The following PREB variants were observed in gnomAD, a reference collection of about 807,000 sequenced individuals.
The protein encoded by PREB is guanine nucleotide-exchange factor SEC12.
Under a neutral mutation model 46.7 loss-of-function variants are expected in PREB, and 29 were observed. That is an observed-to-expected ratio of 0.62 (90% CI 0.46 to 0.85). The LOEUF (loss-of-function observed/expected upper bound fraction) is 0.85, where lower values mean the gene tolerates loss of function less well. Among genes scored for constraint, PREB ranks in the 40% least tolerant of loss-of-function variants. The pLI is 0.00. For missense variants in PREB, 494 were observed against 528.4 expected (o/e 0.93, Z 0.64); for synonymous variants, 224 against 220.1 (o/e 1.02, Z -0.16).
rs774282726 is a variant in PREB, at chr2:27,132,425, A to C, written c.753-22T>G. ...AAACCTGGGGGCCGGATGAGGGGCT[A>C]TTCAGCTCCTAGGGCCTGCCCAACC... On this transcript the variant is annotated intron_variant, in intron 5 of 8. Coordinates refer to ENST00000260643, the MANE Select transcript of PREB (RefSeq NM_013388.6). The surrounding 1 kb of genome is among the most constrained non-coding windows in gnomAD (Gnocchi z 4.0). The C allele has an allele frequency of 6.2e-7, 1 of 1,605,366 alleles. No individual in the cohort carries two copies. Among genetic ancestry groups the C allele is most frequent in the South Asian group, 1.1e-5 (1 of 90,528 alleles).
chr2:27,131,974 T>C lies in PREB; in HGVS notation c.999+36A>G, dbSNP rs753666308. 6 of 1,603,672 alleles carry C rather than the reference T, an allele frequency of 3.7e-6. No homozygotes were observed. The African/African-American group carries it at 8.0e-5, about 21-fold the overall frequency. On this transcript the variant is annotated intron_variant, in intron 7 of 8. Transcript: ENST00000260643. The stretch of plus-strand genomic sequence containing the variant: ...ACTCAGGGTAGAGACAGGCCTACAG[T>C]CCACCCACAGGGCCATGCCAACCTC...
In PREB at chr2:27,132,327, G is replaced by C. The variant is rs1330532859; in HGVS notation, c.829C>G (p.Pro277Ala). 1 of 1,614,120 alleles carries C rather than the reference G, an allele frequency of 6.2e-7. No homozygotes were observed. Among genetic ancestry groups the C allele is most frequent in the Non-Finnish European group, 8.5e-7 (1 of 1,180,004 alleles). The change falls in exon 6 of 9, where the codon CCC becomes GCC. Residue 277 changes from proline (P) to alanine (A), a missense_variant. Transcript: ENST00000260643. The surrounding 1 kb of genome is among the most constrained non-coding windows in gnomAD (Gnocchi z 4.0). The stretch of plus-strand genomic sequence containing the variant: ...CAGGCTGTGAGGTAGCAGGGAGGGG[G>C]CTGGCGCAGGCGCTTGTGGGGAATT... Reference protein sequence around the residue: ...VQIPHKRLRQPPPCYLTAWDG... With the variant: ...VQIPHKRLRQAPPCYLTAWDG...
Position 27,133,663 on chromosome 2 carries a change from T to C in PREB, c.194A>G (p.His65Arg). The change falls in exon 2 of 9, where the codon CAT becomes CGT. Residue 65 changes from histidine (H) to arginine (R), a missense_variant. Transcript: ENST00000260643. ...CATGGTGGCCCGTGTCTCTGTGTCA[T>C]GGGAGTGCAGCAAGGAGGCACTCAA... is the stretch of plus-strand genomic sequence containing the variant. ...GRLSASLLHS[H>R]DTETRATMNL... The C allele has an allele frequency of 3.1e-6, 5 of 1,614,204 alleles. No homozygotes were observed. Among genetic ancestry groups the C allele is most frequent in the Non-Finnish European group, 3.4e-6 (4 of 1,180,040 alleles).
Position 27,131,737 on chromosome 2 carries a change from T to A in PREB, c.1094A>T (p.His365Leu), listed in dbSNP as rs1341639650. The A allele has an allele frequency of 1.9e-6, 3 of 1,613,994 alleles. No homozygotes were observed. Among genetic ancestry groups the A allele is most frequent in the Admixed American group, 3.3e-5 (2 of 60,006 alleles). The change falls in exon 8 of 9, where the codon CAT becomes CTT. Residue 365 changes from histidine to leucine, a missense_variant. Physicochemically the swap from His to Leu is moderately conservative, Grantham distance 99. Coordinates refer to ENST00000260643, the MANE Select transcript of PREB (RefSeq NM_013388.6). Reference protein sequence around the residue: ...KGRGPELLGSHETALFSVAVD... With the variant: ...KGRGPELLGSLETALFSVAVD... ...AGCCACAGAGAACAGGGCAGTTTCA[T>A]GGGACCCAAGGAGCTCTGGACCACG...
Position 27,130,874 on chromosome 2 carries a change from A to G in PREB, c.*540T>C. On this transcript the variant is annotated 3_prime_UTR_variant, in exon 9 of 9. Transcript: ENST00000260643. Reference sequence around the variant, plus strand: ...GGTAGACTACCTAGGAACTTATTGCATCTTTAGGCCAGCTGGCTTAGTGCT... The same window carrying G: ...GGTAGACTACCTAGGAACTTATTGCGTCTTTAGGCCAGCTGGCTTAGTGCT... The G allele has an allele frequency of 2.7e-6, 3 of 1,094,192 alleles. No individual in the cohort carries two copies. Among genetic ancestry groups the G allele is most frequent in the Non-Finnish European group, 3.9e-6 (3 of 766,274 alleles). The allele number at this position is 1,094,192 out of a possible 1,614,324, so 67.8% of individuals were successfully genotyped here.
intron 2 of PREB, 55 bp from the exon 3 acceptor site, chr2:27,133,392 C>A: frequency 1.2e-6 from 2 of 1,604,094 alleles, no homozygotes; most frequent in African/African-American, 2.7e-5. Context: ...GAGTACTGGC[C>A]CCTCTCTCCA....
At position 27,131,489 on chromosome 2, in the gene PREB, G is replaced by A. The variant is rs139550973; in HGVS notation, c.1179C>T (p.Leu393=). The A allele has an allele frequency of 9.1e-5, 145 of 1,585,942 alleles. No homozygotes were observed. The East Asian group carries it at 2.5e-3, about 27-fold the overall frequency. Residue 393 remains leucine, a synonymous_variant, in exon 9 of 9, where the codon CTC becomes CTT. Coordinates refer to ENST00000260643, the MANE Select transcript of PREB (RefSeq NM_013388.6). The part of the protein sequence containing the change: ...LPSRRSVPVW[L]LLLLCVGLII... ...TAAGCCCGACACACAGCAGGAGCAG[G>A]AGCCACACAGGAACACTCCCTGCAG...
At position 27,131,420 on chromosome 2, in the gene PREB, G is replaced by A; in HGVS notation, c.1248C>T (p.Phe416=). The part of the protein sequence containing the change: ...ILLLQSAFPG[F]L ...TTCCCAGGAAGCAGGGAAGCTAAAGGAAACCTGGAAAGGCACTCTGGAGCA... is the reference window on the plus strand; with the variant it reads ...TTCCCAGGAAGCAGGGAAGCTAAAGAAAACCTGGAAAGGCACTCTGGAGCA... The change falls in exon 9 of 9, where the codon TTC becomes TTT. Residue 416 remains phenylalanine, a synonymous_variant. Coordinates refer to ENST00000260643, the MANE Select transcript of PREB (RefSeq NM_013388.6). 1.3e-6 allele frequency: 2 copies of A among 1,555,776 alleles called. No individual in the cohort carries two copies. The highest frequency in any genetic ancestry group is 1.7e-6 in the Non-Finnish European group (2 of 1,148,964).
Position 27,132,172 on chromosome 2 carries a change from C to T in PREB, c.926+58G>A. The stretch of plus-strand genomic sequence containing the variant: ...CCGGTCCGTAGGGACCCAGGCAGGA[C>T]TCCTTTCCAAGCTCCCTCAGGGACC... On this transcript the variant is annotated intron_variant, in intron 6 of 8. Coordinates refer to ENST00000260643, the MANE Select transcript of PREB (RefSeq NM_013388.6). The surrounding 1 kb of genome is among the most constrained non-coding windows in gnomAD (Gnocchi z 4.0). 1 of 1,610,934 alleles carries T rather than the reference C, an allele frequency of 6.2e-7. No individual in the cohort carries two copies. The highest frequency in any genetic ancestry group is 8.5e-7 in the Non-Finnish European group (1 of 1,177,092).
Position 27,134,604 on chromosome 2 carries a change from G to A in PREB, c.-183C>T, listed in dbSNP as rs1283076868. On this transcript the variant is annotated 5_prime_UTR_variant, in exon 1 of 9. Coordinates refer to ENST00000260643, the MANE Select transcript of PREB (RefSeq NM_013388.6). ...CAGCAGGAAGCCGAGCCTCAGCTCG[G>A]CTCCGTCCAAGTCGGTCTCGCAGAC... is the stretch of plus-strand genomic sequence containing the variant. 12 of 1,335,012 alleles carry A rather than the reference G, an allele frequency of 9.0e-6. No homozygotes were observed. Among genetic ancestry groups the A allele is most frequent in the Admixed American group, 7.9e-5 (2 of 25,410 alleles). 82.7% of individuals were successfully genotyped at this position (1,335,012 alleles called of 1,614,324 possible).
rs1260336178 is a variant in PREB at position 27,131,459 on chromosome 2, A to G, written c.1209T>C (p.Ile403=). The G allele has an allele frequency of 3.8e-6, 6 of 1,572,810 alleles. No homozygotes were observed. In the African/African-American group the frequency reaches 4.1e-5, roughly 11 times the overall value. ...LLLLLCVGLI[I]VTILLLQSAF... ...CACTCTGGAGCAGCAGGATGGTCAC[A>G]ATAATAAGCCCGACACACAGCAGGA... The change falls in exon 9 of 9, where the codon ATT becomes ATC. Residue 403 remains isoleucine (I), a synonymous_variant. Transcript: ENST00000260643.
Sources: gnomAD v4.1 joint callset for allele counts on GRCh38, gnomAD v4.1.1 for gene constraint, Gnocchi (gnomAD v3.1) non-coding constraint, MANE v1.5 for transcripts, NCBI Gene and HGNC (gene_info 2026-07-23, HGNC 2026-07-21) for gene names.